Variants in OR10J1 observed in about 807,000 individuals in gnomAD.
The protein encoded by OR10J1 is olfactory receptor family 10 subfamily J member 1, also known as olfactory receptor 10J1.
For missense variants in OR10J1, 474 were observed against 376.6 expected (o/e 1.26, Z -2.14); for synonymous variants, 202 against 143.8 (o/e 1.40, Z -2.89).
chr1:159,436,886 A>T (rs918617016), upstream of OR10J1, among the ~76,000 whole-genome samples: 1 of 152,166 alleles, frequency 6.6e-6, no homozygotes, highest in African/African-American at 2.4e-5. Flanking sequence ...TCTCACTTAC[A>T]GTTACATTTC....
rs989461024 is a variant in OR10J1 at position 159,440,811 on chromosome 1, C to T, written c.*90C>T. 2 of 1,384,034 alleles carry T rather than the reference C, an allele frequency of 1.4e-6. No individual in the cohort carries two copies. Among genetic ancestry groups the T allele is most frequent in the Admixed American group, 4.4e-5 (2 of 44,964 alleles). 85.7% of individuals were successfully genotyped at this position (1,384,034 alleles called of 1,614,324 possible). ...CTCACAAACACTTGGCTCCTAGAGA[C>T]CTGCCCCTTAAATAAGAGGCAAAAG... On this transcript the variant is annotated 3_prime_UTR_variant, in exon 1 of 1. Coordinates refer to ENST00000423932, the MANE Select transcript of OR10J1 (RefSeq NM_012351.3).
the OR10J1 span, among the ~76,000 whole-genome samples, chr1:159,430,665 G>GTGTGTGTGTA: frequency 1.2e-5 from 1 of 83,458 alleles, no homozygotes; most frequent in Non-Finnish European, 3.4e-5. Context: ...GTGTGTGTGT[G>GTGTGTGTGTA]TGTGCGCGCG....
chr1:159,431,362 G>A, the OR10J1 span, among the ~76,000 whole-genome samples: 2 of 152,196 alleles, frequency 1.3e-5, no homozygotes, highest in East Asian at 1.9e-4. Context: ...CAAGTTTTGA[G>A]GAGAGGGACT....
the OR10J1 span, among the ~76,000 whole-genome samples, chr1:159,402,389 C>T: frequency 6.6e-6 from 1 of 151,962 alleles, no homozygotes; most frequent in Non-Finnish European, 1.5e-5. Context: ...ACTATTAGAA[C>T]TAATAAACAA....
upstream of OR10J1, among the ~76,000 whole-genome samples, chr1:159,434,785 C>T (rs1173976017): frequency 6.6e-6 from 1 of 152,142 alleles, no homozygotes; most frequent in African/African-American, 2.4e-5. Context: ...ATGTTATGGA[C>T]ATACCATTCC....
the OR10J1 span, among the ~76,000 whole-genome samples, chr1:159,408,921 A>G: frequency 6.6e-6 from 1 of 152,076 alleles, no homozygotes; most frequent in African/African-American, 2.4e-5. Context: ...TAGCAACATT[A>G]AAGAGGCTGA....
At chr1:159,400,231 A>G in the OR10J1 span, among the ~76,000 whole-genome samples, 13 of 152,204 alleles carry the variant, frequency 8.5e-5, no homozygotes, top group East Asian at 2.3e-3. Flanking sequence ...TTACTTATCA[A>G]CAATAACATT....
chr1:159,440,290 C>A lies in OR10J1; in HGVS notation c.499C>A (p.Pro167Thr), dbSNP rs776298487. 4.3e-6 allele frequency: 7 copies of A among 1,614,146 alleles called. No homozygotes were observed. The highest frequency in any genetic ancestry group is 5.9e-6 in the Non-Finnish European group (7 of 1,180,004). ...ITQVTSVFRL[P>T]FCARKVPHFF... ...GCAAGTGACATCTGTATTCAGGTTA[C>A]CCTTCTGTGCTAGAAAGGTGCCCCA... The change falls in exon 1 of 1, where the codon CCC becomes ACC. Residue 167 changes from proline to threonine, a missense_variant. Transcript: ENST00000423932.
chr1:159,398,024 C>T, the OR10J1 span, among the ~76,000 whole-genome samples: 1 of 152,124 alleles, frequency 6.6e-6, no homozygotes. Context: ...TCACTACACC[C>T]CCAGCTGTAG....
chr1:159,406,126 G>A, the OR10J1 span: 2 of 462,736 alleles, frequency 4.3e-6, no homozygotes, highest in Non-Finnish European at 8.6e-6. Context: ...GAAAGCATAT[G>A]GGGAGTAATG....
At chr1:159,420,928 G>A in the OR10J1 span, among the ~76,000 whole-genome samples, 2 of 152,030 alleles carry the variant, frequency 1.3e-5, no homozygotes, top group Non-Finnish European at 2.9e-5. Flanking sequence ...CCTGTATCTT[G>A]ATGTTCCCAA....
the OR10J1 span, among the ~76,000 whole-genome samples, chr1:159,399,608 A>C: frequency 2.4e-4 from 37 of 151,036 alleles, no homozygotes; most frequent in African/African-American, 8.7e-4. Context: ...AGAAATGCTG[A>C]AGGGAGTATT....
chr1:159,431,237 G>A, the OR10J1 span, among the ~76,000 whole-genome samples: 2 of 152,188 alleles, frequency 1.3e-5, no homozygotes, highest in African/African-American at 4.8e-5. Context: ...GAAAAGGAGT[G>A]TCTCCTCTCA....
chr1:159,439,906 T>C lies in OR10J1; in HGVS notation c.115T>C (p.Leu39=). 1.9e-6 allele frequency: 3 copies of C among 1,614,186 alleles called. No individual in the cohort carries two copies. The highest frequency in any genetic ancestry group is 2.5e-6 in the Non-Finnish European group (3 of 1,180,022). Residue 39 remains leucine, a synonymous_variant, in exon 1 of 1, where the codon TTA becomes CTA. Transcript: ENST00000423932. ...GVFLALYILT[L]AGNIIIVTII... ...GTTCCTTGCACTATACATCTTAACC[T>C]TAGCAGGCAATATCATCATTGTGAC...
chr1:159,427,804 T>G, the OR10J1 span, among the ~76,000 whole-genome samples: 2 of 152,158 alleles, frequency 1.3e-5, no homozygotes, highest in African/African-American at 4.8e-5. Flanking sequence ...CGGCCAATAA[T>G]GGATAGATGA....
At chr1:159,415,739 AATG>A in the OR10J1 span, among the ~76,000 whole-genome samples, 3 of 152,172 alleles carry the variant, frequency 2.0e-5, no homozygotes, top group African/African-American at 7.2e-5. Flanking sequence ...GTAATATGTT[AATG>A]ATATTAATTA....
the OR10J1 span, among the ~76,000 whole-genome samples, chr1:159,414,361 G>T: frequency 6.6e-6 from 1 of 151,940 alleles, no homozygotes; most frequent in Non-Finnish European, 1.5e-5. Context: ...TTCTTTTTGT[G>T]TCTGGCTTAT....
upstream of OR10J1, among the ~76,000 whole-genome samples, chr1:159,438,462 C>T (rs769835566): frequency 1.3e-5 from 2 of 152,222 alleles, no homozygotes; most frequent in Non-Finnish European, 2.9e-5. Flanking sequence ...ACCATAGAGG[C>T]ACCATACCAC....
At chr1:159,437,671 A>T (rs1483077784), upstream of OR10J1, among the ~76,000 whole-genome samples, 4 of 136,172 alleles carry the variant, frequency 2.9e-5, no homozygotes, top group Non-Finnish European at 6.8e-5. Flanking sequence ...ACATAATGAG[A>T]CCTCCAGGTA....
Sources: allele counts gnomAD v4.1 joint callset (sites outside exome capture counted in the v4.1 genomes callset), GRCh38; gene constraint gnomAD v4.1.1; transcripts MANE v1.5; gene names NCBI Gene and HGNC (gene_info 2026-07-23, HGNC 2026-07-21).